The following ASMT variants were observed in gnomAD, a reference collection of about 807,000 sequenced individuals.
The protein encoded by ASMT is acetylserotonin N-methyltransferase.
Under a neutral mutation model 41.3 loss-of-function variants are expected in ASMT, and 53 were observed. The observed-to-expected ratio is 1.28, with a 90% confidence interval of 1.03 to 1.61. The LOEUF (loss-of-function observed/expected upper bound fraction) is 1.61. ASMT is among the 40% of genes most tolerant of loss of function. ASMT has a pLI of 0.00. For synonymous variants in ASMT, 231 were observed against 184.8 expected, an observed-to-expected ratio of 1.25 and a Z score of -2.03; for missense variants, 531 against 441.3, an observed-to-expected ratio of 1.20 and a Z score of -1.82.
chrX:1,634,250 G>T (rs4484874), intron 7 of ASMT, among the ~76,000 whole-genome samples: 6,156 of 152,228 alleles, frequency 0.04, 424 homozygotes, highest in African/African-American at 0.14. Flanking sequence ...ATGGGATAGA[G>T]TTCGGGAGAA....
chrX:1,642,670 G>A (rs1400984502), intron 8 of ASMT, 133 bp from the exon 9 acceptor site: 2 of 805,518 alleles, frequency 2.5e-6, no homozygotes, highest in African/African-American at 1.7e-5. Flanking sequence ...CGTGGGCACA[G>A]CCTCTGAGTG....
At chrX:1,637,121 C>T (rs545425864) in intron 8 of ASMT, among the ~76,000 whole-genome samples, 2,684 of 100,064 alleles carry the variant, frequency 0.027, 78 homozygotes, top group Non-Finnish European at 0.04. Flanking sequence ...GTGAGGTCCA[C>T]CCATCCTGAT....
At chrX:1,641,333 TTAG>T (rs1935147213) in intron 8 of ASMT, among the ~76,000 whole-genome samples, 1 of 80,950 alleles carries the variant, frequency 1.2e-5, no homozygotes, top group African/African-American at 4.4e-5. Context: ...TGATGATCCA[TTAG>T]GATGTGGACA....
chrX:1,642,748 G>T, intron 8 of ASMT, 55 bp from the exon 9 acceptor site: 1 of 1,548,704 alleles, frequency 6.5e-7, no homozygotes, highest in Middle Eastern at 2.0e-4. Context: ...TGGGACTTTG[G>T]CACAGTCTGT....
chrX:1,616,933 C>A (rs1339390697), intron 1 of ASMT, among the ~76,000 whole-genome samples: 9 of 152,086 alleles, frequency 5.9e-5, no homozygotes, highest in African/African-American at 1.9e-4. Flanking sequence ...TGGTCTCGAT[C>A]TCCTGACCTC....
chrX:1,633,019 A>T (rs1934835608), intron 6 of ASMT, 131 bp from the exon 7 acceptor site: 1 of 1,066,292 alleles, frequency 9.4e-7, no homozygotes, highest in African/African-American at 1.6e-5. Flanking sequence ...ATAAAAAGAA[A>T]AAAAAGACCA....
chrX:1,627,725 G>C lies in ASMT; in HGVS notation c.397G>C (p.Glu133Gln). 2.5e-6 allele frequency: 4 copies of C among 1,613,982 alleles called. No individual in the cohort carries two copies. The South Asian group carries it at 4.4e-5, about 18-fold the overall frequency. The change falls in exon 4 of 9, where the codon GAG becomes CAG. Residue 133 changes from glutamate to glutamine, a missense_variant. Coordinates refer to ENST00000381241, the MANE Select transcript of ASMT (RefSeq NM_001171038.2). ...AVREGRNQYLETFGVPAEELF... is the reference protein window; with the variant it reads ...AVREGRNQYLQTFGVPAEELF... Reference sequence around the variant, plus strand: ...TAGAGAAGGAAGGAACCAGTACCTGGAGACGTTTGGCGTTCCCGCTGAAGA... The same window carrying C: ...TAGAGAAGGAAGGAACCAGTACCTGCAGACGTTTGGCGTTCCCGCTGAAGA...
chrX:1,631,390 C>T (rs754189301), intron 5 of ASMT, among the ~76,000 whole-genome samples: 76 of 151,914 alleles, frequency 5.0e-4, no homozygotes, highest in African/African-American at 1.8e-3. Context: ...CAACCCCGAG[C>T]TCACCCCTTA....
At chrX:1,641,344 A>G (rs6655372) in intron 8 of ASMT, among the ~76,000 whole-genome samples, 13,888 of 67,068 alleles carry the variant, frequency 0.21, 4,048 homozygotes, top group African/African-American at 0.51. Context: ...TAGGATGTGG[A>G]CACAGCCTCT....
intron 3 of ASMT, among the ~76,000 whole-genome samples, chrX:1,625,743 A>G (rs1212764569): frequency 5.9e-5 from 9 of 151,622 alleles, no homozygotes; most frequent in South Asian, 2.1e-4. Context: ...TCACGAGGTC[A>G]GGAGATCGAG....
At chrX:1,636,206 C>G (rs1934955782) in intron 7 of ASMT, 2 of 603,584 alleles carry the variant, frequency 3.3e-6, no homozygotes, top group Non-Finnish European at 6.2e-6. Context: ...ATCTGCCCAC[C>G]TCCGCCTCCC....
At chrX:1,620,257 C>T (rs1194902674) in intron 1 of ASMT, among the ~76,000 whole-genome samples, 5 of 147,018 alleles carry the variant, frequency 3.4e-5, no homozygotes, top group Admixed American at 2.7e-4. Context: ...CTGCAACCTC[C>T]GCCTCCCGGG....
At chrX:1,632,883 G>T in intron 6 of ASMT, 96 bp downstream of exon 6, 1 of 557,056 alleles carries the variant, frequency 1.8e-6, no homozygotes, top group Non-Finnish European at 3.2e-6. Flanking sequence ...CTGGGGGAGG[G>T]AGAGCACTAG....
At chrX:1,623,828 T>C (rs1175059064) in intron 2 of ASMT, among the ~76,000 whole-genome samples, 1 of 151,784 alleles carries the variant, frequency 6.6e-6, no homozygotes, top group African/African-American at 2.4e-5. Context: ...CACTTATTTT[T>C]AGTAGAGACA....
intron 3 of ASMT, among the ~76,000 whole-genome samples, chrX:1,626,256 A>G (rs1213518062): frequency 2.3e-5 from 3 of 131,134 alleles, no homozygotes; most frequent in African/African-American, 9.0e-5. Flanking sequence ...TTTTTTTGAG[A>G]CAGAGTTTTG....
chrX:1,616,178 A>ATGTGTG (rs1569367833), intron 1 of ASMT, among the ~76,000 whole-genome samples: 1 of 142,058 alleles, frequency 7.0e-6, no homozygotes, highest in Admixed American at 7.0e-5. Flanking sequence ...ACAGGCACCC[A>ATGTGTG]CCACCACGCC....
At position 1,623,195 on chromosome X, in the gene ASMT, G is replaced by A. The variant is rs142021937; in HGVS notation, c.126G>A (p.Gly42=). 231 of 1,613,316 alleles carry A rather than the reference G, an allele frequency of 1.4e-4. No individual in the cohort carries two copies. The African/African-American group carries it at 2.8e-3, about 20-fold the overall frequency. The change falls in exon 2 of 9, where the codon GGG becomes GGA. Residue 42 remains glycine (G), a synonymous_variant. Transcript: ENST00000381241. ...TTGACCTTCTCGCCGAGGCCCCAGG[G>A]CCCCTGGACGTGGCGGCAGTGGCTG... The part of the protein sequence containing the change: ...GVFDLLAEAP[G]PLDVAAVAAG...
intron 1 of ASMT, among the ~76,000 whole-genome samples, chrX:1,616,593 G>A (rs370813498): frequency 5.3e-5 from 8 of 151,466 alleles, no homozygotes; most frequent in South Asian, 2.1e-4. Context: ...AATGATGGCC[G>A]GGCTCAGCGG....
intron 2 of ASMT, 51 bp from the exon 3 acceptor site, chrX:1,624,218 A>G (rs1488923122): frequency 6.2e-7 from 1 of 1,612,898 alleles, no homozygotes; most frequent in Admixed American, 1.7e-5. Context: ...GTCCGCCGGC[A>G]GGAACTCGGA....
Sources: allele counts gnomAD v4.1 joint callset (sites outside exome capture counted in the v4.1 genomes callset), GRCh38; gene constraint gnomAD v4.1.1; transcripts MANE v1.5; gene names NCBI Gene and HGNC (gene_info 2026-07-23, HGNC 2026-07-21).